Variants in DGKB observed in about 807,000 individuals in gnomAD.
DGKB encodes the protein 90 kDa diacylglycerol kinase.
DGKB carries 67 observed loss-of-function variants against 114.3 expected under a neutral mutation model. That is an observed-to-expected ratio of 0.59 (90% confidence interval 0.48 to 0.72). The LOEUF (loss-of-function observed/expected upper bound fraction) is 0.72. DGKB is among the 30% of genes least tolerant of loss of function. The probability of loss-of-function intolerance (pLI) is 0.00; values close to 1 mark genes in which losing one functional copy is unlikely to be tolerated. For synonymous variants in DGKB, 398 were observed against 323.1 expected, an observed-to-expected ratio of 1.23 and a Z score of -2.49; for missense variants, 907 against 975.2, an observed-to-expected ratio of 0.93 and a Z score of 0.93.
At chr7:14,861,902 T>G (rs750908055) in intron 1 of DGKB, among the ~76,000 whole-genome samples, 2 of 152,018 alleles carry the variant, frequency 1.3e-5, no homozygotes, top group Non-Finnish European at 2.9e-5. Flanking sequence ...TTTGTTCTTA[T>G]GGAAATGCTG....
intron 23 of DGKB, 137 bp downstream of exon 23, chr7:14,338,378 G>T (rs962926017): frequency 6.2e-6 from 3 of 481,938 alleles, no homozygotes; most frequent in South Asian, 1.2e-4. Context: ...AATCACACAT[G>T]GGTATCCCAT....
At chr7:14,415,189 A>G (rs1825513397) in intron 21 of DGKB, among the ~76,000 whole-genome samples, 1 of 151,988 alleles carries the variant, frequency 6.6e-6, no homozygotes. Context: ...TCTGGTGAAT[A>G]TTAAGATTAG....
At chr7:14,260,134 A>T (rs1043763180) in intron 23 of DGKB, among the ~76,000 whole-genome samples, 2 of 128,126 alleles carry the variant, frequency 1.6e-5, no homozygotes, top group Admixed American at 1.6e-4. Context: ...ACACACACAC[A>T]CACAGTTGAA....
intron 1 of DGKB, among the ~76,000 whole-genome samples, chr7:14,925,149 C>T (rs1784686762): frequency 6.6e-6 from 1 of 152,122 alleles, no homozygotes; most frequent in Non-Finnish European, 1.5e-5. Context: ...ATGGTTGCCC[C>T]AAAGTCTGTT....
intron 13 of DGKB, among the ~76,000 whole-genome samples, chr7:14,635,451 A>G (rs1335700821): frequency 4.0e-5 from 6 of 151,410 alleles, no homozygotes; most frequent in Non-Finnish European, 8.9e-5. Flanking sequence ...GAAAGAAAGA[A>G]CAAAATTCTC....
intron 21 of DGKB, among the ~76,000 whole-genome samples, chr7:14,458,057 G>A (rs1832543957): frequency 6.6e-6 from 1 of 152,054 alleles, no homozygotes; most frequent in Non-Finnish European, 1.5e-5. Flanking sequence ...TTTAAATCAA[G>A]AATCTTCAAG....
intron 13 of DGKB, among the ~76,000 whole-genome samples, chr7:14,672,464 T>TA (rs569520196): frequency 1.3e-5 from 2 of 152,028 alleles, no homozygotes; most frequent in South Asian, 2.1e-4. Flanking sequence ...ATTTTTTTTT[T>TA]AAAAAACAGC....
At chr7:14,302,724 C>G (rs768941356) in intron 23 of DGKB, among the ~76,000 whole-genome samples, 1 of 152,102 alleles carries the variant, frequency 6.6e-6, no homozygotes, top group Non-Finnish European at 1.5e-5. Flanking sequence ...ACCAGTCATT[C>G]TAAATTGACA....
chr7:14,325,506 A>G (rs1352452225), intron 23 of DGKB, among the ~76,000 whole-genome samples: 1 of 152,202 alleles, frequency 6.6e-6, no homozygotes, highest in African/African-American at 2.4e-5. Context: ...CAATACCTGA[A>G]AAGAGTGAAC....
chr7:14,621,210 T>C (rs1193827494), intron 15 of DGKB, 168 bp downstream of exon 15: 1 of 523,196 alleles, frequency 1.9e-6, no homozygotes, highest in African/African-American at 2.0e-5. Context: ...ACTCTGTCAA[T>C]CAACCGTAAG....
At chr7:14,492,890 T>C (rs1319119741) in intron 20 of DGKB, among the ~76,000 whole-genome samples, 1 of 152,114 alleles carries the variant, frequency 6.6e-6, no homozygotes, top group African/African-American at 2.4e-5. Flanking sequence ...ATTATACTGT[T>C]TGTAGGCTGT....
chr7:14,305,518 C>G (rs1388036693), intron 23 of DGKB, among the ~76,000 whole-genome samples: 1 of 152,122 alleles, frequency 6.6e-6, no homozygotes, highest in Non-Finnish European at 1.5e-5. Flanking sequence ...AGACAATGAA[C>G]TCTCTAATGT....
chr7:14,384,106 A>G (rs1819932475), intron 21 of DGKB, among the ~76,000 whole-genome samples: 2 of 152,236 alleles, frequency 1.3e-5, no homozygotes, highest in South Asian at 4.1e-4. Context: ...TGATACCAAA[A>G]TGTTAACATA....
intron 23 of DGKB, among the ~76,000 whole-genome samples, chr7:14,295,803 C>A (rs1169560722): frequency 6.6e-6 from 1 of 151,916 alleles, no homozygotes; most frequent in Non-Finnish European, 1.5e-5. Flanking sequence ...TTTGCTGCAC[C>A]CATTAACCCA....
intron 13 of DGKB, among the ~76,000 whole-genome samples, chr7:14,635,934 G>C (rs981991078): frequency 6.6e-6 from 1 of 151,426 alleles, no homozygotes; most frequent in Non-Finnish European, 1.5e-5. Flanking sequence ...TACAAATATA[G>C]CACTATAGGT....
chr7:14,452,137 C>T (rs11525791), intron 21 of DGKB, among the ~76,000 whole-genome samples: 30 of 151,812 alleles, frequency 2.0e-4, no homozygotes, highest in South Asian at 1.5e-3. Context: ...ATTTCCTGCC[C>T]AATAGAAAAG....
At chr7:14,220,923 C>A (rs1434357195) in intron 23 of DGKB, among the ~76,000 whole-genome samples, 1 of 150,724 alleles carries the variant, frequency 6.6e-6, no homozygotes, top group Non-Finnish European at 1.5e-5. Context: ...GCATTTTATT[C>A]TTTTCTGAGG....
chr7:14,923,604 T>C (rs1303453001), intron 1 of DGKB, among the ~76,000 whole-genome samples: 1 of 152,190 alleles, frequency 6.6e-6, no homozygotes, highest in Non-Finnish European at 1.5e-5. Flanking sequence ...TGAAACATTG[T>C]ATTCATCCCT....
chr7:14,929,746 TTTG>T (rs1190340149), intron 1 of DGKB, among the ~76,000 whole-genome samples: 2 of 152,170 alleles, frequency 1.3e-5, no homozygotes, highest in African/African-American at 2.4e-5. Flanking sequence ...TTTATCTATT[TTTG>T]TTGTTGTTGC....
Sources: gnomAD v4.1 joint callset for allele counts (sites outside exome capture counted in the v4.1 genomes callset) on GRCh38, gnomAD v4.1.1 for gene constraint, MANE v1.5 for transcripts, NCBI Gene and HGNC (gene_info 2026-07-23, HGNC 2026-07-21) for gene names.